ZNF608: variants seen among roughly 807,000 people sequenced by gnomAD.
ZNF608 encodes the protein zinc finger protein 608.
Under a neutral mutation model 109.0 loss-of-function variants are expected in ZNF608, and 12 were observed. The ratio of observed to expected loss-of-function variants is 0.11; its 90% CI spans 0.07 to 0.18. The LOEUF (loss-of-function observed/expected upper bound fraction) is 0.18, where lower values mean the gene tolerates loss of function less well. ZNF608 is among the 10% of genes least tolerant of loss of function. The probability of loss-of-function intolerance (pLI) is 1.00; values close to 1 mark genes in which losing one functional copy is unlikely to be tolerated. For synonymous variants in ZNF608, 732 were observed against 717.4 expected, an observed-to-expected ratio of 1.02 and a Z score of -0.33; for missense variants, 1,707 against 1,879.3, an observed-to-expected ratio of 0.91 and a Z score of 1.70.
chr5:124,723,946 G>C (rs937061396), intron 2 of ZNF608, among the ~76,000 whole-genome samples: 4 of 151,642 alleles, frequency 2.6e-5, no homozygotes, highest in African/African-American at 9.7e-5. Flanking sequence ...AAATACAATG[G>C]CTTGTACCCA....
Position 124,701,087 on chromosome 5 carries a change from T to C in ZNF608, c.1089A>G (p.Pro363=), listed in dbSNP as rs148136472. 5.6e-5 allele frequency: 90 copies of C among 1,614,180 alleles called. No homozygotes were observed. The African/African-American group carries it at 1.1e-3, about 19-fold the overall frequency. The change falls in exon 3 of 10, where the codon CCA becomes CCG. Residue 363 remains proline (P), a synonymous_variant. Coordinates refer to ENST00000513986, the MANE Select transcript of ZNF608 (RefSeq NM_020747.3). ...CAGGTTCACAGGGCCCAAGACACTC[T>C]GGCTCTGTCACTACTCCAACTTCAC... ...NTCEVGVVTE[P]ECLGPCEPGT... is the part of the protein sequence containing the mutation.
At chr5:124,739,942 C>T (rs1332727925) in intron 2 of ZNF608, among the ~76,000 whole-genome samples, 1 of 152,114 alleles carries the variant, frequency 6.6e-6, no homozygotes, top group East Asian at 1.9e-4. Flanking sequence ...TAAAATGCTG[C>T]TTAGGAAAAA....
At chr5:124,651,893 C>G (rs781759382) in intron 3 of ZNF608, among the ~76,000 whole-genome samples, 9 of 152,258 alleles carry the variant, frequency 5.9e-5, no homozygotes, top group Non-Finnish European at 1.3e-4. Context: ...GCCGCCTGCG[C>G]TGCTCGGCTC....
chr5:124,688,901 A>G (rs898196421), intron 3 of ZNF608, among the ~76,000 whole-genome samples: 6 of 152,238 alleles, frequency 3.9e-5, no homozygotes, highest in Non-Finnish European at 5.9e-5. Context: ...GCAATATTTA[A>G]AAGTGTATCT....
intron 2 of ZNF608, among the ~76,000 whole-genome samples, chr5:124,702,207 AC>A (rs1253548553): frequency 1.3e-5 from 2 of 152,228 alleles, no homozygotes; most frequent in Non-Finnish European, 2.9e-5. Context: ...AACTGCTAGG[AC>A]TGCTACAGAT....
intron 9 of ZNF608, among the ~76,000 whole-genome samples, chr5:124,638,246 G>C (rs538664112): frequency 7.2e-6 from 1 of 138,400 alleles, no homozygotes; most frequent in Admixed American, 7.9e-5. Flanking sequence ...CACCACACCC[G>C]GCCAACAGTT....
chr5:124,698,130 T>C (rs900508905), intron 3 of ZNF608, among the ~76,000 whole-genome samples: 2 of 152,192 alleles, frequency 1.3e-5, no homozygotes, highest in Non-Finnish European at 2.9e-5. Context: ...TCCCCTCCCC[T>C]TCTCCTGGAA....
intron 2 of ZNF608, among the ~76,000 whole-genome samples, chr5:124,711,721 C>G (rs567727469): frequency 6.6e-6 from 1 of 152,164 alleles, no homozygotes; most frequent in Non-Finnish European, 1.5e-5. Context: ...GTGGTCAGAG[C>G]TGAAGGTGGT....
upstream of ZNF608, among the ~76,000 whole-genome samples, chr5:124,748,021 GTTGC>G (rs1290133238): frequency 6.6e-6 from 1 of 152,114 alleles, no homozygotes; most frequent in African/African-American, 2.4e-5. Context: ...TGGTATTTTT[GTTGC>G]TTGCTTTTTT....
intron 3 of ZNF608, among the ~76,000 whole-genome samples, chr5:124,669,648 AACACACACAAACAC>A (rs977822226): frequency 1.2e-5 from 1 of 83,384 alleles, no homozygotes; most frequent in Non-Finnish European, 2.4e-5. Context: ...CCTTCTCCCA[AACACACACAAACAC>A]ACACACACAC....
intron 3 of ZNF608, among the ~76,000 whole-genome samples, chr5:124,657,324 T>A (rs558112491): frequency 1.8e-4 from 27 of 152,152 alleles, no homozygotes; most frequent in African/African-American, 6.5e-4. Flanking sequence ...AGTGAAAACT[T>A]ACAGGGCCCA....
chr5:124,686,314 G>C (rs1752409855), intron 3 of ZNF608, among the ~76,000 whole-genome samples: 1 of 152,206 alleles, frequency 6.6e-6, no homozygotes, highest in Non-Finnish European at 1.5e-5. Context: ...TCTACGAAGA[G>C]ACAAGTTCAA....
Position 124,744,138 on chromosome 5 carries a change from C to T in ZNF608, c.852G>A (p.Lys284=), listed in dbSNP as rs1211748354. The change falls in exon 2 of 10, where the codon AAG becomes AAA. Residue 284 remains lysine, a synonymous_variant. Transcript: ENST00000513986. The surrounding 1 kb of genome is among the most constrained non-coding windows in gnomAD (Gnocchi z 4.5). ...GLMGNSMLVK[K]EEEEEESHRR... Reference sequence around the variant, plus strand: ...TGTGGCTCTCCTCCTCCTCCTCTTCCTTCTTTACCAACATAGAGTTTCCCA... The same window carrying T: ...TGTGGCTCTCCTCCTCCTCCTCTTCTTTCTTTACCAACATAGAGTTTCCCA... The T allele has an allele frequency of 6.2e-7, 1 of 1,610,786 alleles. No individual in the cohort carries two copies. The highest frequency in any genetic ancestry group is 1.7e-5 in the Admixed American group (1 of 59,718).
At chr5:124,701,317 C>A in intron 2 of ZNF608, 48 bp from the exon 3 acceptor site, 1 of 1,597,438 alleles carries the variant, frequency 6.3e-7, no homozygotes, top group Non-Finnish European at 8.5e-7. Flanking sequence ...TCCGTGAATT[C>A]CTTTTAATGC....
intron 2 of ZNF608, among the ~76,000 whole-genome samples, chr5:124,704,414 G>T (rs1250448535): frequency 6.6e-6 from 1 of 152,130 alleles, no homozygotes; most frequent in African/African-American, 2.4e-5. Flanking sequence ...CCCATTCACT[G>T]TGAGATGTCG....
chr5:124,662,698 G>C (rs1751314235), intron 3 of ZNF608, among the ~76,000 whole-genome samples: 1 of 152,158 alleles, frequency 6.6e-6, no homozygotes, highest in African/African-American at 2.4e-5. Context: ...GTTAATTGCT[G>C]CTCATCATCA....
At chr5:124,651,732 G>A (rs1004271716) in intron 3 of ZNF608, among the ~76,000 whole-genome samples, 1 of 152,254 alleles carries the variant, frequency 6.6e-6, no homozygotes, top group Non-Finnish European at 1.5e-5. Flanking sequence ...GCTGGCCGCG[G>A]ATTGGCCGGC....
chr5:124,651,905 C>T (rs915533988), intron 3 of ZNF608, among the ~76,000 whole-genome samples: 3 of 152,360 alleles, frequency 2.0e-5, no homozygotes, highest in Non-Finnish European at 2.9e-5. Context: ...GCTCGGCTCC[C>T]TCGGTGCACG....
intron 2 of ZNF608, among the ~76,000 whole-genome samples, chr5:124,702,625 G>T (rs1487791499): frequency 1.3e-5 from 2 of 151,996 alleles, no homozygotes; most frequent in Non-Finnish European, 1.5e-5. Context: ...ATGACTGTAG[G>T]AACTATTTCT....
Sources: gnomAD v4.1 joint callset for allele counts (sites outside exome capture counted in the v4.1 genomes callset) on GRCh38, gnomAD v4.1.1 for gene constraint, Gnocchi (gnomAD v3.1) non-coding constraint, MANE v1.5 for transcripts, NCBI Gene and HGNC (gene_info 2026-07-23, HGNC 2026-07-21) for gene names.